Variants in ZNF451 observed in about 807,000 individuals in gnomAD.
ZNF451 encodes E3 SUMO-protein ligase ZNF451.
In ZNF451, 80 loss-of-function variants were observed where a neutral mutation model predicts 107.1. The ratio of observed to expected loss-of-function variants is 0.75; its 90% CI spans 0.62 to 0.90. ZNF451 has a LOEUF of 0.90. Ranked by LOEUF, ZNF451 falls within the 40% of genes least tolerant of loss-of-function variation. ZNF451 has a pLI of 0.00. For synonymous variants in ZNF451, 362 were observed against 406.5 expected (o/e 0.89, Z 1.32); for missense variants, 1,107 against 1,236.2 (o/e 0.90, Z 1.57).
intron 2 of ZNF451, among the ~76,000 whole-genome samples, chr6:57,091,970 ACTCT>A (rs998931630): frequency 2.0e-5 from 3 of 151,856 alleles, no homozygotes; most frequent in Non-Finnish European, 4.4e-5. Flanking sequence ...TGTATGTTGT[ACTCT>A]CTCCTTTTCA....
At chr6:57,095,173 T>G (rs1303318550) in intron 2 of ZNF451, among the ~76,000 whole-genome samples, 1 of 152,128 alleles carries the variant, frequency 6.6e-6, no homozygotes, top group African/African-American at 2.4e-5. Context: ...TCTGTCCTTA[T>G]TTTTCCACTC....
chr6:57,163,579 T>G (rs1282973460), intron 14 of ZNF451, among the ~76,000 whole-genome samples: 1 of 147,406 alleles, frequency 6.8e-6, no homozygotes, highest in African/African-American at 2.5e-5. Flanking sequence ...GCCTCCCGAG[T>G]AGCTGGGACT....
chr6:57,102,371 A>G, intron 3 of ZNF451: 5 of 1,102,742 alleles, frequency 4.5e-6, no homozygotes, highest in South Asian at 4.0e-5. Flanking sequence ...AGTGTGGAGG[A>G]GGACCACTCA....
intron 13 of ZNF451, among the ~76,000 whole-genome samples, chr6:57,156,870 C>T (rs764543378): frequency 6.6e-6 from 1 of 152,144 alleles, no homozygotes; most frequent in Non-Finnish European, 1.5e-5. Context: ...ATCCCTTGTA[C>T]GTGCAGTTCA....
chr6:57,100,606 A>G (rs1829545813), intron 3 of ZNF451: 5 of 1,502,676 alleles, frequency 3.3e-6, no homozygotes, highest in Non-Finnish European at 4.4e-6. Context: ...AACCCAGAGA[A>G]TGCCTGAATC....
chr6:57,145,764 A>C (rs531127054), intron 9 of ZNF451, among the ~76,000 whole-genome samples: 2 of 152,264 alleles, frequency 1.3e-5, no homozygotes, highest in East Asian at 3.9e-4. Flanking sequence ...GTAAATGTAC[A>C]AGTGTAGGTG....
At chr6:57,160,322 T>TTCTCGTCTCG (rs1211235274) in intron 13 of ZNF451, among the ~76,000 whole-genome samples, 1 of 151,930 alleles carries the variant, frequency 6.6e-6, no homozygotes, top group Non-Finnish European at 1.5e-5. Context: ...TTCTTTTCTT[T>TTCTCGTCTCG]TCTCGTCTCG....
At chr6:57,111,651 G>T (rs1224797567) in intron 3 of ZNF451, among the ~76,000 whole-genome samples, 1 of 152,160 alleles carries the variant, frequency 6.6e-6, no homozygotes, top group Non-Finnish European at 1.5e-5. Context: ...AAAGTGCTGG[G>T]ATTGTGGTTG....
At chr6:57,101,917 G>T in intron 3 of ZNF451, 1 of 1,550,440 alleles carries the variant, frequency 6.4e-7, no homozygotes, top group Non-Finnish European at 8.7e-7. Flanking sequence ...CAATATAAAA[G>T]AAAATGACTA....
At chr6:57,129,817 TTTC>T (rs1204186010) in intron 5 of ZNF451, among the ~76,000 whole-genome samples, 10 of 152,232 alleles carry the variant, frequency 6.6e-5, no homozygotes, top group African/African-American at 2.4e-4. Context: ...TTTTCTTTGT[TTTC>T]TTCTTACTTG....
intron 2 of ZNF451, among the ~76,000 whole-genome samples, chr6:57,098,342 A>G (rs901027605): frequency 8.6e-5 from 13 of 151,644 alleles, no homozygotes; most frequent in Admixed American, 4.6e-4. Context: ...CTAATAATCA[A>G]TCTCTTTTAG....
At chr6:57,094,086 T>C (rs931604585) in intron 2 of ZNF451, among the ~76,000 whole-genome samples, 2 of 152,232 alleles carry the variant, frequency 1.3e-5, no homozygotes, top group African/African-American at 4.8e-5. Context: ...GGTGTATTGA[T>C]ATCTCTTTCC....
rs770649969 is a variant in ZNF451 at position 57,141,452 on chromosome 6, G to C, written c.853G>C (p.Gly285Arg). 3 of 1,609,008 alleles carry C rather than the reference G, an allele frequency of 1.9e-6. No homozygotes were observed. The highest frequency in any genetic ancestry group is 4.5e-5 in the East Asian group (2 of 44,638). Reference protein sequence around the residue: ...KNHFHQSFKLGDNKGIAHPIS... With the variant: ...KNHFHQSFKLRDNKGIAHPIS... ...TCATTTCCATCAGAGTTTCAAACTG[G>C]GTGGTATGTTAATACTCTCTTCTGC... The change falls in exon 8 of 15, where the codon GGT (glycine) becomes CGT (arginine). Residue 285 changes from glycine to arginine, a missense_variant. By Grantham distance (125) the Gly-to-Arg change is moderately radical (BLOSUM62 -2). Coordinates refer to ENST00000370706, the MANE Select transcript of ZNF451 (RefSeq NM_001031623.3).
chr6:57,163,125 T>A (rs1763742624), intron 14 of ZNF451, among the ~76,000 whole-genome samples: 1 of 152,108 alleles, frequency 6.6e-6, no homozygotes, highest in Non-Finnish European at 1.5e-5. Context: ...TCTTTTCCCC[T>A]CCTCATCACC....
intron 3 of ZNF451, among the ~76,000 whole-genome samples, chr6:57,115,725 G>T (rs1486370888): frequency 6.6e-6 from 1 of 152,112 alleles, no homozygotes; most frequent in African/African-American, 2.4e-5. Context: ...TTGATCTGAA[G>T]TATTGGCAAA....
chr6:57,108,700 G>A (rs1829983073), intron 3 of ZNF451: 7 of 985,250 alleles, frequency 7.1e-6, no homozygotes, highest in Non-Finnish European at 7.2e-6. Flanking sequence ...ACAGGTCTTG[G>A]AAGCATGTTA....
At position 57,104,291 on chromosome 6, in the gene ZNF451, G is replaced by A. The variant is rs559284955; in HGVS notation, c.186+5150G>A. The A allele has an allele frequency of 1.2e-5, 12 of 985,310 alleles. No homozygotes were observed. In the South Asian group the frequency reaches 5.2e-4, roughly 42 times the overall value. 61.0% of individuals were successfully genotyped at this position (985,310 alleles called of 1,614,324 possible). A position where few individuals can be genotyped will look rare whatever the true frequency, so the allele number is the denominator to read the frequency against. ...GCAATCCCATGTGCTCTTGATATTG[G>A]CACTGTAGTTTTATCTTAGAGGACT... On this transcript the variant is annotated intron_variant, in intron 3 of 14. Transcript: ENST00000370706.
chr6:57,106,707 A>G (rs1283696038), intron 3 of ZNF451: 5 of 983,016 alleles, frequency 5.1e-6, no homozygotes, highest in African/African-American at 1.8e-5. Context: ...TCTGTATTTA[A>G]TGTTAGTGGC....
Position 57,150,863 on chromosome 6 carries a change from G to T in ZNF451, c.2752+1G>T, listed in dbSNP as rs956740816. The T allele has an allele frequency of 9.3e-6, 15 of 1,613,436 alleles. No individual in the cohort carries two copies. The highest frequency in any genetic ancestry group is 2.2e-5 in the East Asian group (1 of 44,836). On this transcript the variant is annotated splice_donor_variant, in intron 11 of 14. Coordinates refer to ENST00000370706, the MANE Select transcript of ZNF451 (RefSeq NM_001031623.3). LOFTEE classifies it high-confidence loss of function. ...GGAACATTTATTTGGGGCTTTCAAGGTACGGTTAATAAGAAAAACAAAAGA... is the reference window on the plus strand; with the variant it reads ...GGAACATTTATTTGGGGCTTTCAAGTTACGGTTAATAAGAAAAACAAAAGA...
Sources: allele counts gnomAD v4.1 joint callset (sites outside exome capture counted in the v4.1 genomes callset), GRCh38; gene constraint gnomAD v4.1.1; transcripts MANE v1.5; gene names NCBI Gene and HGNC (gene_info 2026-07-23, HGNC 2026-07-21).